MDGA2: variants seen among roughly 807,000 people sequenced by gnomAD.
MDGA2 encodes the protein MAM domain containing glycosylphosphatidylinositol anchor 2.
Under a neutral mutation model 117.8 loss-of-function variants are expected in MDGA2, and 40 were observed. The ratio of observed to expected loss-of-function variants is 0.34; its 90% CI spans 0.26 to 0.44. The LOEUF (loss-of-function observed/expected upper bound fraction) is 0.44, where lower values mean the gene tolerates loss of function less well. Ranked by LOEUF, MDGA2 falls within the 20% of genes least tolerant of loss-of-function variation. The pLI, the probability that MDGA2 is intolerant of heterozygous loss-of-function variation, is 1.00. For synonymous variants in MDGA2, 452 were observed against 439.0 expected (o/e 1.03, Z -0.37); for missense variants, 1,123 against 1,250.6 (o/e 0.90, Z 1.54).
At chr14:47,430,613 A>G (rs1892780037) in intron 1 of MDGA2, among the ~76,000 whole-genome samples, 1 of 152,134 alleles carries the variant, frequency 6.6e-6, no homozygotes, top group Non-Finnish European at 1.5e-5. Flanking sequence ...TCACAATTAC[A>G]AATACTGCTC....
At chr14:47,484,728 C>T (rs1216623580) in intron 1 of MDGA2, among the ~76,000 whole-genome samples, 1 of 152,070 alleles carries the variant, frequency 6.6e-6, no homozygotes, top group Non-Finnish European at 1.5e-5. Flanking sequence ...AGGGGCAGGT[C>T]TTTCCCATGC....
At chr14:46,850,569 T>C (rs1188910784) in intron 15 of MDGA2, among the ~76,000 whole-genome samples, 1 of 151,918 alleles carries the variant, frequency 6.6e-6, no homozygotes, top group Non-Finnish European at 1.5e-5. Flanking sequence ...GATATAAATA[T>C]ATTTAAAAAT....
chr14:47,197,120 A>T (rs1189729145), intron 3 of MDGA2, among the ~76,000 whole-genome samples: 1 of 152,192 alleles, frequency 6.6e-6, no homozygotes, highest in Non-Finnish European at 1.5e-5. Flanking sequence ...TAGTTCCATG[A>T]TGAACACAAA....
chr14:47,293,082 G>A (rs1035904846), intron 2 of MDGA2, among the ~76,000 whole-genome samples: 2 of 152,104 alleles, frequency 1.3e-5, no homozygotes, highest in African/African-American at 4.8e-5. Context: ...CTGGGATACA[G>A]AGGACAGTCA....
At chr14:47,247,819 G>A (rs375763620) in intron 2 of MDGA2, among the ~76,000 whole-genome samples, 1 of 150,636 alleles carries the variant, frequency 6.6e-6, no homozygotes, top group African/African-American at 2.4e-5. Context: ...GATAGGCCCC[G>A]ACGTGTGATG....
intron 1 of MDGA2, among the ~76,000 whole-genome samples, chr14:47,507,491 G>C (rs141768108): frequency 0.02 from 3,038 of 152,188 alleles, 41 homozygotes; most frequent in Middle Eastern, 0.041. Flanking sequence ...ACCTGAAAAG[G>C]AGAGAGAACA....
At chr14:47,366,191 G>T (rs182204104) in intron 1 of MDGA2, among the ~76,000 whole-genome samples, 11 of 152,266 alleles carry the variant, frequency 7.2e-5, no homozygotes, top group Non-Finnish European at 7.4e-5. Flanking sequence ...GAGGGCTTTG[G>T]ACTTTTGTTG....
At chr14:47,464,785 T>C (rs1893565439) in intron 1 of MDGA2, among the ~76,000 whole-genome samples, 1 of 152,060 alleles carries the variant, frequency 6.6e-6, no homozygotes, top group African/African-American at 2.4e-5. Flanking sequence ...GCTATTCCTA[T>C]CAAAATACCA....
intron 1 of MDGA2, among the ~76,000 whole-genome samples, chr14:47,494,581 G>A (rs1358968013): frequency 2.6e-5 from 4 of 152,018 alleles, no homozygotes; most frequent in Non-Finnish European, 5.9e-5. Flanking sequence ...TGAGGGTTTA[G>A]CCATAAATTA....
chr14:47,643,694 G>C (rs1425332625), intron 1 of MDGA2, among the ~76,000 whole-genome samples: 1 of 152,128 alleles, frequency 6.6e-6, no homozygotes, highest in Non-Finnish European at 1.5e-5. Context: ...TAATTTGACT[G>C]ACACATTCCT....
intron 1 of MDGA2, among the ~76,000 whole-genome samples, chr14:47,317,670 T>A (rs1390313327): frequency 2.6e-5 from 4 of 152,052 alleles, no homozygotes; most frequent in Non-Finnish European, 5.9e-5. Flanking sequence ...CTCATCCCAA[T>A]TTGGTTGTAT....
chr14:47,330,890 T>G lies in MDGA2; in HGVS notation c.281-29340A>C, dbSNP rs530993523. 5.3e-5 allele frequency among the ~76,000 whole-genome samples: 8 copies of G among 151,990 alleles called. No individual in the cohort carries two copies. In the East Asian group the frequency reaches 1.5e-3, roughly 29 times the overall value. On this transcript the variant is annotated intron_variant, in intron 1 of 16. Transcript: ENST00000399232. ...CTTTGTCTATCTAAATTTGTGTGTT[T>G]CAATAAAGTCAAAAGGTAGTTTCTA...
At chr14:47,343,378 G>T in intron 1 of MDGA2, 1 of 498,196 alleles carries the variant, frequency 2.0e-6, no homozygotes, top group Non-Finnish European at 2.6e-6. Flanking sequence ...GGTGTGAAAA[G>T]CCTAACTTTG....
At chr14:46,994,891 G>T (rs1361922552) in intron 8 of MDGA2, among the ~76,000 whole-genome samples, 1 of 152,012 alleles carries the variant, frequency 6.6e-6, no homozygotes, top group Non-Finnish European at 1.5e-5. Flanking sequence ...ACAAAGGATA[G>T]CTCCTTTAAT....
At chr14:46,852,929 G>C (rs1192285404) in intron 15 of MDGA2, among the ~76,000 whole-genome samples, 1 of 151,740 alleles carries the variant, frequency 6.6e-6, no homozygotes, top group African/African-American at 2.4e-5. Context: ...ACAATATCTG[G>C]TACCCAATCA....
chr14:47,300,423 T>A (rs1333656872), intron 2 of MDGA2, among the ~76,000 whole-genome samples: 1 of 152,158 alleles, frequency 6.6e-6, no homozygotes, highest in Non-Finnish European at 1.5e-5. Context: ...CATATATATA[T>A]AACCTAAACA....
chr14:47,117,773 C>G (rs1267473343), intron 5 of MDGA2, among the ~76,000 whole-genome samples: 1 of 152,066 alleles, frequency 6.6e-6, no homozygotes, highest in Non-Finnish European at 1.5e-5. Flanking sequence ...TGAAGAGTTA[C>G]TAATCAACAG....
Position 47,287,690 on chromosome 14 carries a change from T to C in MDGA2, c.420+13721A>G, listed in dbSNP as rs141926346. Among the ~76,000 whole-genome samples, 557 of 152,272 alleles carry C rather than the reference T, an allele frequency of 3.7e-3. 3 individuals carry two copies. The highest frequency in any genetic ancestry group is 0.013 in the African/African-American group (524 of 41,562). The stretch of plus-strand genomic sequence containing the variant: ...CTAATTTCAATGAATAAATAATATA[T>C]GTTACAGGTTGATTATGTGCCCCTA... On this transcript the variant is annotated intron_variant, in intron 2 of 16. Coordinates refer to ENST00000399232, the MANE Select transcript of MDGA2 (RefSeq NM_001113498.3).
chr14:47,615,276 C>T (rs4900789), intron 1 of MDGA2, among the ~76,000 whole-genome samples: 93,888 of 151,922 alleles, frequency 0.62, 29,789 homozygotes, highest in East Asian at 0.91. Context: ...TTTTAATTTC[C>T]ACCAAAATAG....
Sources: allele counts gnomAD v4.1 joint callset (sites outside exome capture counted in the v4.1 genomes callset), GRCh38; gene constraint gnomAD v4.1.1; transcripts MANE v1.5; gene names NCBI Gene and HGNC (gene_info 2026-07-23, HGNC 2026-07-21).